EXOC4: variants seen among roughly 807,000 people sequenced by gnomAD.
EXOC4 encodes the protein exocyst complex component 4.
In EXOC4, 71 loss-of-function variants were observed where a neutral mutation model predicts 107.2. The observed-to-expected ratio is 0.66, with a 90% confidence interval of 0.55 to 0.81. The LOEUF is 0.81. EXOC4 is among the 30% of genes least tolerant of loss of function. EXOC4 has a pLI of 0.00. For missense variants in EXOC4, 1,108 were observed against 1,189.6 expected (o/e 0.93, Z 1.01); for synonymous variants, 456 against 441.2 (o/e 1.03, Z -0.42).
chr7:133,553,832 G>A (rs1413530978), intron 9 of EXOC4, among the ~76,000 whole-genome samples: 1 of 152,082 alleles, frequency 6.6e-6, no homozygotes, highest in African/African-American at 2.4e-5. Context: ...ATTGTGGTAA[G>A]TTTTTATCGC....
chr7:133,371,802 A>G (rs1563039954), intron 6 of EXOC4, among the ~76,000 whole-genome samples: 1 of 152,180 alleles, frequency 6.6e-6, no homozygotes, highest in Admixed American at 6.5e-5. Flanking sequence ...GTCTTGAGGA[A>G]CTGCCAAACT....
chr7:133,346,491 A>G (rs1795786524), intron 5 of EXOC4, among the ~76,000 whole-genome samples: 1 of 152,154 alleles, frequency 6.6e-6, no homozygotes, highest in Non-Finnish European at 1.5e-5. Context: ...CATATTGGAT[A>G]TGTTAAGAGT....
intron 7 of EXOC4, among the ~76,000 whole-genome samples, chr7:133,456,164 A>G (rs958408): frequency 0.77 from 117,765 of 152,092 alleles, 46,232 homozygotes; most frequent in East Asian, 0.95. Flanking sequence ...TCCAGCCATT[A>G]TCATTATCCA....
chr7:134,007,603 T>C, intron 16 of EXOC4, 73 bp from the exon 17 acceptor site: 1 of 1,403,792 alleles, frequency 7.1e-7, no homozygotes, highest in East Asian at 2.4e-5. Context: ...AGCAATTCTG[T>C]GTGCAAGTTT....
intron 14 of EXOC4, among the ~76,000 whole-genome samples, chr7:133,947,079 T>C (rs184882486): frequency 1.1e-3 from 160 of 152,350 alleles, no homozygotes; most frequent in Non-Finnish European, 2.0e-3. Flanking sequence ...AGGGGGAAAC[T>C]ATTTGGCCTG....
the EXOC4 span, among the ~76,000 whole-genome samples, chr7:134,074,688 G>A: frequency 2.6e-5 from 4 of 152,182 alleles, no homozygotes; most frequent in Non-Finnish European, 4.4e-5. Flanking sequence ...GAGCCCCCAG[G>A]TGAATCATGC....
At chr7:133,609,126 C>A (rs2150994892) in intron 9 of EXOC4, among the ~76,000 whole-genome samples, 1 of 152,128 alleles carries the variant, frequency 6.6e-6, no homozygotes, top group East Asian at 1.9e-4. Context: ...TAGATAGCCA[C>A]AAATCCATCA....
intron 10 of EXOC4, among the ~76,000 whole-genome samples, chr7:133,666,883 CT>C (rs954599816): frequency 6.6e-6 from 1 of 152,074 alleles, no homozygotes; most frequent in African/African-American, 2.4e-5. Context: ...CTCTCTGTCT[CT>C]TTTTTTAAAT....
At chr7:133,367,589 T>C (rs1225459257) in intron 6 of EXOC4, among the ~76,000 whole-genome samples, 2 of 152,160 alleles carry the variant, frequency 1.3e-5, no homozygotes, top group African/African-American at 2.4e-5. Context: ...CCTAGCATTA[T>C]AGAGTACTAA....
intron 10 of EXOC4, among the ~76,000 whole-genome samples, chr7:133,749,801 A>G (rs1259924081): frequency 6.6e-6 from 1 of 152,180 alleles, no homozygotes; most frequent in Non-Finnish European, 1.5e-5. Flanking sequence ...CATGATATGA[A>G]CTAGTATCTT....
intron 10 of EXOC4, among the ~76,000 whole-genome samples, chr7:133,735,746 T>A (rs1281683619): frequency 2.0e-5 from 3 of 152,124 alleles, no homozygotes; most frequent in African/African-American, 7.2e-5. Flanking sequence ...AGAATCTTGC[T>A]CCATGATCCC....
intron 3 of EXOC4, among the ~76,000 whole-genome samples, 186 bp downstream of exon 3, chr7:133,289,302 T>G (rs1794352679): frequency 6.6e-6 from 1 of 152,216 alleles, no homozygotes; most frequent in African/African-American, 2.4e-5. Context: ...TAATTATTAT[T>G]TATGTATTAT....
downstream of EXOC4, among the ~76,000 whole-genome samples, chr7:134,070,844 A>G (rs893042562): frequency 7.9e-5 from 12 of 152,018 alleles, no homozygotes; most frequent in East Asian, 3.9e-4. Context: ...CCTTGATCTC[A>G]TTTAGAAAGG....
At chr7:134,072,670 G>A in the EXOC4 span, among the ~76,000 whole-genome samples, 1 of 152,178 alleles carries the variant, frequency 6.6e-6, no homozygotes, top group African/African-American at 2.4e-5. Flanking sequence ...CAGGTGGTTT[G>A]ATGTGGTTAC....
intron 2 of EXOC4, among the ~76,000 whole-genome samples, chr7:133,285,512 T>C (rs932054065): frequency 6.6e-6 from 1 of 152,354 alleles, no homozygotes; most frequent in East Asian, 1.9e-4. Flanking sequence ...TAGCTTTTAA[T>C]GTTGCTGCTG....
rs150350272 is a variant in EXOC4, at chr7:133,997,434, T to C, written c.2207-58T>C. The C allele has an allele frequency of 2.2e-4, 348 of 1,598,888 alleles. 1 individual carries two copies. In the Middle Eastern group the frequency reaches 3.2e-3, roughly 15 times the overall value. On this transcript the variant is annotated intron_variant, in intron 14 of 17. Transcript: ENST00000253861. ...GATGAACAGCAAAATAATATGTCAT[T>C]TCAGAAAAATCTGTAGGCATCTAAT...
intron 11 of EXOC4, among the ~76,000 whole-genome samples, chr7:133,875,612 T>C (rs190909641): frequency 9.8e-5 from 15 of 152,314 alleles, no homozygotes; most frequent in African/African-American, 2.4e-4. Context: ...GGGTCCAGTC[T>C]TCACTTCCTG....
chr7:133,415,228 G>T (rs968388351), intron 7 of EXOC4, among the ~76,000 whole-genome samples: 4 of 139,664 alleles, frequency 2.9e-5, no homozygotes, highest in African/African-American at 1.1e-4. Flanking sequence ...GAATAATGTT[G>T]CTATGAGCAT....
chr7:133,759,965 G>C (rs1407573389), intron 10 of EXOC4, among the ~76,000 whole-genome samples: 1 of 152,218 alleles, frequency 6.6e-6, no homozygotes, highest in African/African-American at 2.4e-5. Context: ...CAGTGTGCAG[G>C]TGAGAATTCA....
Sources: allele counts gnomAD v4.1 joint callset (sites outside exome capture counted in the v4.1 genomes callset), GRCh38; gene constraint gnomAD v4.1.1; transcripts MANE v1.5; gene names NCBI Gene and HGNC (gene_info 2026-07-23, HGNC 2026-07-21).